The following MPPED2 variants were observed in gnomAD, a reference collection of about 807,000 sequenced individuals.
MPPED2 encodes metallophosphoesterase MPPED2.
A neutral mutation model predicts 33.0 loss-of-function variants in MPPED2; 5 were observed. The ratio of observed to expected loss-of-function variants is 0.15; its 90% CI spans 0.08 to 0.32. The LOEUF (loss-of-function observed/expected upper bound fraction) is 0.32, where lower values mean the gene tolerates loss of function less well. Ranked by LOEUF, MPPED2 falls within the 10% of genes least tolerant of loss-of-function variation. MPPED2 has a pLI of 1.00. For synonymous variants in MPPED2, 136 were observed against 141.9 expected (o/e 0.96, Z 0.29); for missense variants, 275 against 372.1 (o/e 0.74, Z 2.15).
At chr11:30,501,473 C>T (rs1277305059) in intron 3 of MPPED2, 3 of 196,848 alleles carry the variant, frequency 1.5e-5, no homozygotes, top group Non-Finnish European at 2.8e-5. Context: ...TGAGATAATC[C>T]TAACCTCGCA....
intron 2 of MPPED2, among the ~76,000 whole-genome samples, chr11:30,573,416 G>A (rs1219204413): frequency 6.6e-6 from 1 of 152,082 alleles, no homozygotes; most frequent in East Asian, 1.9e-4. Context: ...TTATTTTAGA[G>A]TGTACTCCTT....
intron 6 of MPPED2, among the ~76,000 whole-genome samples, chr11:30,402,568 A>T (rs1456803247): frequency 6.6e-6 from 1 of 152,190 alleles, no homozygotes; most frequent in East Asian, 1.9e-4. Flanking sequence ...ATTTTGAGAA[A>T]GATAGTGATC....
At chr11:30,519,400 G>A (rs775648865) in intron 3 of MPPED2, among the ~76,000 whole-genome samples, 28 of 151,880 alleles carry the variant, frequency 1.8e-4, no homozygotes, top group Non-Finnish European at 2.4e-4. Flanking sequence ...ATATGTGTGG[G>A]TGTGATTTTA....
intron 3 of MPPED2, among the ~76,000 whole-genome samples, chr11:30,528,415 C>A (rs956237579): frequency 1.3e-5 from 2 of 152,110 alleles, no homozygotes; most frequent in African/African-American, 2.4e-5. Context: ...ACCACCACAC[C>A]TGACTAATTT....
At chr11:30,468,229 TACAC>T (rs1174150864) in intron 4 of MPPED2, among the ~76,000 whole-genome samples, 31 of 147,374 alleles carry the variant, frequency 2.1e-4, no homozygotes, top group South Asian at 6.6e-4. Context: ...TGGCATACTA[TACAC>T]ACACACACAC....
chr11:30,435,932 C>T (rs1378983343), intron 4 of MPPED2, among the ~76,000 whole-genome samples: 1 of 152,036 alleles, frequency 6.6e-6, no homozygotes, highest in African/African-American at 2.4e-5. Context: ...AGGAGAGATG[C>T]TAAGATCAGG....
chr11:30,384,373 G>A (rs957899780), downstream of MPPED2: 1 of 151,866 alleles, frequency 6.6e-6, no homozygotes, highest in African/African-American at 2.4e-5. Flanking sequence ...ATTTTAAAAT[G>A]TGGATTGAAT....
intron 4 of MPPED2, among the ~76,000 whole-genome samples, chr11:30,440,455 G>C (rs532973790): frequency 6.6e-6 from 1 of 152,266 alleles, no homozygotes; most frequent in Admixed American, 6.5e-5. Flanking sequence ...GGGCCGTAAA[G>C]TCTAAGATAT....
At chr11:30,444,955 C>G (rs1332619059) in intron 4 of MPPED2, among the ~76,000 whole-genome samples, 1 of 152,156 alleles carries the variant, frequency 6.6e-6, no homozygotes, top group East Asian at 1.9e-4. Flanking sequence ...GATAAAAGAA[C>G]AGGACATATG....
intron 4 of MPPED2, among the ~76,000 whole-genome samples, chr11:30,435,138 G>T (rs1211187717): frequency 1.3e-5 from 2 of 152,152 alleles, no homozygotes; most frequent in East Asian, 3.8e-4. Context: ...TATTAGTTCT[G>T]CAAAGAACAC....
intron 6 of MPPED2, among the ~76,000 whole-genome samples, chr11:30,389,836 G>C (rs1263278075): frequency 6.6e-6 from 1 of 152,158 alleles, no homozygotes; most frequent in Admixed American, 6.5e-5. Flanking sequence ...CACAGCTAAT[G>C]TTCTCCCTAA....
chr11:30,547,051 C>G (rs508478), intron 2 of MPPED2, among the ~76,000 whole-genome samples: 89,574 of 151,954 alleles, frequency 0.59, 26,759 homozygotes, highest in African/African-American at 0.68. Context: ...GTATATCATA[C>G]TTTCCTCATG....
At chr11:30,505,875 G>C (rs1207180155) in intron 3 of MPPED2, among the ~76,000 whole-genome samples, 4 of 151,986 alleles carry the variant, frequency 2.6e-5, no homozygotes, top group Admixed American at 1.3e-4. Context: ...GTTAAACTCA[G>C]ACTCCAAACA....
At chr11:30,559,257 G>C (rs1261649291) in intron 2 of MPPED2, among the ~76,000 whole-genome samples, 1 of 152,144 alleles carries the variant, frequency 6.6e-6, no homozygotes, top group Non-Finnish European at 1.5e-5. Context: ...CGGGATCCCA[G>C]TGTTCACAAT....
intron 3 of MPPED2, among the ~76,000 whole-genome samples, chr11:30,508,925 C>T (rs1166008425): frequency 6.6e-6 from 1 of 152,160 alleles, no homozygotes; most frequent in African/African-American, 2.4e-5. Context: ...ATATTCTATT[C>T]ATCTTTGCAT....
intron 2 of MPPED2, among the ~76,000 whole-genome samples, chr11:30,546,420 A>G (rs1391299969): frequency 7.2e-5 from 11 of 152,110 alleles, no homozygotes; most frequent in African/African-American, 2.7e-4. Flanking sequence ...CTGACTCTAC[A>G]AGATTTCTTT....
downstream of MPPED2, among the ~76,000 whole-genome samples, chr11:30,405,814 C>T (rs1241637015): frequency 6.6e-6 from 1 of 151,952 alleles, no homozygotes; most frequent in Non-Finnish European, 1.5e-5. Flanking sequence ...AATAAAAATC[C>T]TCCACCCAGG....
intron 4 of MPPED2, among the ~76,000 whole-genome samples, chr11:30,477,112 T>A (rs904186212): frequency 6.6e-6 from 1 of 152,092 alleles, no homozygotes; most frequent in African/African-American, 2.4e-5. Context: ...CTTCTAGCAG[T>A]TGTTTTGTAA....
At chr11:30,436,160 T>C (rs1949317475) in intron 4 of MPPED2, among the ~76,000 whole-genome samples, 1 of 151,492 alleles carries the variant, frequency 6.6e-6, no homozygotes, top group Admixed American at 6.6e-5. Flanking sequence ...TTAGAGTCTG[T>C]AAACTCTCTA....
Sources: gnomAD v4.1 joint callset for allele counts (sites outside exome capture counted in the v4.1 genomes callset) on GRCh38, gnomAD v4.1.1 for gene constraint, MANE v1.5 for transcripts, NCBI Gene and HGNC (gene_info 2026-07-23, HGNC 2026-07-21) for gene names.